Variants in DOCK2 observed in about 807,000 individuals in gnomAD.
DOCK2 encodes the protein dedicator of cytokinesis 2.
DOCK2 carries 87 observed loss-of-function variants against 248.9 expected under a neutral mutation model. The observed-to-expected ratio is 0.35, with a 90% confidence interval of 0.29 to 0.42. The LOEUF (loss-of-function observed/expected upper bound fraction) is 0.42, where lower values mean the gene tolerates loss of function less well. DOCK2 is among the 10% of genes least tolerant of loss of function. DOCK2 has a pLI of 1.00. For synonymous variants in DOCK2, 805 were observed against 821.6 expected (o/e 0.98, Z 0.35); for missense variants, 1,747 against 2,300.2 (o/e 0.76, Z 4.92).
chr5:170,034,537 C>T lies in DOCK2; in HGVS notation c.3606C>T (p.Ser1202=). The T allele has an allele frequency of 1.9e-6, 3 of 1,614,134 alleles. No individual in the cohort carries two copies. Among genetic ancestry groups the T allele is most frequent in the Non-Finnish European group, 2.5e-6 (3 of 1,179,990 alleles). The part of the protein sequence containing the change: ...MTDESKDNRM[S]CTVNLLNFYK... ...ATGAGAGCAAAGACAACCGCATGAG[C>T]TGCACCGTGAACCTGCTGGTGCGTG... The change falls in exon 35 of 52, where the codon AGC becomes AGT. Residue 1202 remains serine, a synonymous_variant. Coordinates refer to ENST00000520908, the MANE Select transcript of DOCK2 (RefSeq NM_004946.3).
chr5:169,746,705 C>G (rs1291445696), intron 22 of DOCK2, among the ~76,000 whole-genome samples: 1 of 152,130 alleles, frequency 6.6e-6, no homozygotes, highest in Non-Finnish European at 1.5e-5. Context: ...GGGACTGGTT[C>G]TATGCAATTT....
rs1404793017 is a variant in DOCK2, at chr5:170,081,989, G to A, written c.5430+5G>A. ...AATCAGTTCTTCAAGACAATGGTGA[G>A]GACATTGAGGGTGGAAGGAAAGGAA... is the stretch of plus-strand genomic sequence containing the variant. On this transcript the variant is annotated splice_donor_5th_base_variant and intron_variant, in intron 51 of 51. Transcript: ENST00000520908. 2 of 1,613,204 alleles carry A rather than the reference G, an allele frequency of 1.2e-6. No individual in the cohort carries two copies. Among genetic ancestry groups the A allele is most frequent in the Admixed American group, 1.7e-5 (1 of 59,954 alleles).
chr5:169,638,400 G>C (rs1756962468), intron 1 of DOCK2, among the ~76,000 whole-genome samples: 1 of 152,214 alleles, frequency 6.6e-6, no homozygotes, highest in African/African-American at 2.4e-5. Flanking sequence ...TCAAGGGGCA[G>C]TTACAAAGTA....
intron 17 of DOCK2, 34 bp from the exon 18 acceptor site, chr5:169,713,994 T>G: frequency 6.4e-7 from 1 of 1,556,402 alleles, no homozygotes; most frequent in Non-Finnish European, 8.7e-7. Context: ...GCATGGAGCC[T>G]TGGCTTGGGG....
intron 22 of DOCK2, among the ~76,000 whole-genome samples, chr5:169,742,263 T>A (rs1763358969): frequency 6.6e-6 from 1 of 152,236 alleles, no homozygotes; most frequent in Non-Finnish European, 1.5e-5. Flanking sequence ...CTGTATATGA[T>A]GTAATAGTAG....
intron 27 of DOCK2, among the ~76,000 whole-genome samples, chr5:169,952,270 G>A (rs539930066): frequency 3.3e-5 from 5 of 152,264 alleles, no homozygotes; most frequent in African/African-American, 9.6e-5. Flanking sequence ...CAACTCGTCC[G>A]TATAACAATT....
intron 26 of DOCK2, 105 bp downstream of exon 26, chr5:169,803,311 A>C (rs1472920567): frequency 1.0e-5 from 15 of 1,451,534 alleles, no homozygotes; most frequent in South Asian, 1.4e-5. Context: ...TCTAAAGATA[A>C]AAGTCAACGG....
chr5:169,684,478 G>A (rs1386435623), intron 8 of DOCK2, 128 bp downstream of exon 8: 4 of 1,251,458 alleles, frequency 3.2e-6, no homozygotes, highest in Non-Finnish European at 4.3e-6. Flanking sequence ...GTGAGAATGT[G>A]GAAATAACTT....
chr5:170,050,169 G>T, intron 40 of DOCK2, 87 bp from the exon 41 acceptor site: 1 of 1,532,994 alleles, frequency 6.5e-7, no homozygotes, highest in South Asian at 1.3e-5. Flanking sequence ...CATGGACCGT[G>T]GTCATTTTAC....
chr5:169,945,070 C>T (rs898709412), intron 27 of DOCK2, among the ~76,000 whole-genome samples: 1 of 152,224 alleles, frequency 6.6e-6, no homozygotes, highest in Non-Finnish European at 1.5e-5. Flanking sequence ...AGAGCATTCA[C>T]AGGGACCCTC....
At chr5:169,768,291 G>T (rs183077075) in intron 25 of DOCK2, among the ~76,000 whole-genome samples, 1 of 152,228 alleles carries the variant, frequency 6.6e-6, no homozygotes, top group South Asian at 2.1e-4. Context: ...TTTGATGAGC[G>T]CTGTCTCTAC....
rs1022303389 is a variant in DOCK2, at chr5:169,799,345, C to T, written c.2555-3713C>T. 2.6e-5 allele frequency among the ~76,000 whole-genome samples: 4 copies of T among 152,168 alleles called. No individual in the cohort carries two copies. In the East Asian group the frequency reaches 5.8e-4, roughly 22 times the overall value. ...ATCTTCTGGTTGGGCTTAATTATCA[C>T]ATCAATGAAGGCATAATTGGGAAGC... is the stretch of plus-strand genomic sequence containing the variant. On this transcript the variant is annotated intron_variant, in intron 25 of 51. Transcript: ENST00000520908.
chr5:169,964,949 C>T (rs35137537), intron 27 of DOCK2, among the ~76,000 whole-genome samples: 469 of 152,320 alleles, frequency 3.1e-3, no homozygotes, highest in Non-Finnish European at 5.2e-3. Flanking sequence ...TGCATATTGG[C>T]ATTCATATCT....
At chr5:170,013,102 G>A (rs1755367551) in intron 32 of DOCK2, among the ~76,000 whole-genome samples, 1 of 152,110 alleles carries the variant, frequency 6.6e-6, no homozygotes, top group African/African-American at 2.4e-5. Context: ...GTGGGGAAAT[G>A]GCTTCTGAAT....
At chr5:169,970,268 A>G (rs896519298) in intron 27 of DOCK2, among the ~76,000 whole-genome samples, 1 of 152,210 alleles carries the variant, frequency 6.6e-6, no homozygotes, top group Non-Finnish European at 1.5e-5. Flanking sequence ...CTTTTTTTTG[A>G]AAGACAAAAT....
chr5:169,897,939 C>T (rs750089993), intron 27 of DOCK2, among the ~76,000 whole-genome samples: 2 of 152,226 alleles, frequency 1.3e-5, no homozygotes, highest in Non-Finnish European at 2.9e-5. Flanking sequence ...TACAAAGCTG[C>T]TCCCCTAGAA....
intron 27 of DOCK2, among the ~76,000 whole-genome samples, chr5:169,864,071 A>T (rs780377065): frequency 3.9e-5 from 6 of 152,208 alleles, no homozygotes; most frequent in Non-Finnish European, 7.3e-5. Context: ...GCCCTCAGCA[A>T]GCAGTCGCAC....
chr5:169,797,814 T>C (rs1030943426), intron 25 of DOCK2, among the ~76,000 whole-genome samples: 2 of 152,196 alleles, frequency 1.3e-5, no homozygotes, highest in African/African-American at 4.8e-5. Context: ...GTTTGTTGGC[T>C]TGACAATCAA....
chr5:169,831,222 A>G (rs900916626), intron 26 of DOCK2, among the ~76,000 whole-genome samples: 2 of 152,172 alleles, frequency 1.3e-5, no homozygotes, highest in African/African-American at 4.8e-5. Context: ...TTTTCAAAAA[A>G]AAAAGGTGTA....
Sources: allele counts gnomAD v4.1 joint callset (sites outside exome capture counted in the v4.1 genomes callset), GRCh38; gene constraint gnomAD v4.1.1; transcripts MANE v1.5; gene names NCBI Gene and HGNC (gene_info 2026-07-23, HGNC 2026-07-21).